CXorf38: variants seen among roughly 807,000 people sequenced by gnomAD.
CXorf38 encodes chromosome X open reading frame 38.
CXorf38 carries 13 observed loss-of-function variants against 27.5 expected under a neutral mutation model. That is an observed-to-expected ratio of 0.47 (90% confidence interval 0.31 to 0.75). The LOEUF (loss-of-function observed/expected upper bound fraction) is 0.75. Ranked by LOEUF, CXorf38 falls within the 30% of genes least tolerant of loss-of-function variation. The pLI is 0.05. For missense variants in CXorf38, 240 were observed against 253.2 expected (o/e 0.95, Z 0.35); for synonymous variants, 100 against 99.8 (o/e 1.00, Z -0.01).
At chrX:40,646,937 G>A in intron 2 of CXorf38, 70 bp downstream of exon 2, 1 of 1,130,876 alleles carries the variant, frequency 8.8e-7, no homozygotes, top group East Asian at 3.1e-5. Flanking sequence ...GCGACCACAA[G>A]ACCAGATAGC....
chrX:40,633,722 G>T (rs1639034134), intron 5 of CXorf38, among the ~76,000 whole-genome samples: 1 of 112,113 alleles, frequency 8.9e-6, no homozygotes, highest in South Asian at 3.7e-4. Context: ...TTCCCCACAG[G>T]TCTCTGTGAA....
At chrX:40,638,644 T>C (rs1368782816) in intron 3 of CXorf38, among the ~76,000 whole-genome samples, 1 of 112,110 alleles carries the variant, frequency 8.9e-6, no homozygotes, top group African/African-American at 3.2e-5. Context: ...CTGTATTTTT[T>C]TTAATAAGGA....
chrX:40,644,534 A>T, intron 2 of CXorf38, among the ~76,000 whole-genome samples: 1 of 112,763 alleles, frequency 8.9e-6, no homozygotes, highest in Non-Finnish European at 1.9e-5. Flanking sequence ...AGTAATCGAA[A>T]TTTTTTAAAA....
chrX:40,631,565 C>G (rs1281769883), intron 5 of CXorf38, among the ~76,000 whole-genome samples: 2 of 111,599 alleles, frequency 1.8e-5, no homozygotes, highest in Admixed American at 9.5e-5. Context: ...CTCGGCCTCC[C>G]AAAGTGCTGG....
intron 5 of CXorf38, among the ~76,000 whole-genome samples, chrX:40,631,671 G>T (rs1292071796): frequency 8.9e-6 from 1 of 112,035 alleles, no homozygotes; most frequent in Non-Finnish European, 1.9e-5. Flanking sequence ...ATCTAATGAA[G>T]AAAAATAACG....
intron 2 of CXorf38, chrX:40,639,460 GTTAAA>G: frequency 7.0e-6 from 1 of 142,106 alleles, no homozygotes. Context: ...TGGTTGAGTT[GTTAAA>G]TAAGAAGATT....
rs758751427 is a variant in CXorf38 at position 40,647,118 on chromosome X, GCA to G, written c.238_239del (p.Cys80ArgfsTer2). On this transcript the variant is annotated frameshift_variant, in exon 2 of 7. Transcript: ENST00000327877. LOFTEE classifies it high-confidence loss of function. ...TCAAAATCTCCCTTTTCCATTCAGC[GCA>G]CACCTGACACTGAGGCTGAAACTAC... ...ARQFQPQCQV[C>X]AEWKREILRH... 22 of 1,210,867 alleles carry G rather than the reference GCA, an allele frequency of 1.8e-5. No homozygotes were observed. Among genetic ancestry groups the G allele is most frequent in the Non-Finnish European group, 1.1e-6 (1 of 895,183 alleles).
At position 40,647,527 on chromosome X, in the gene CXorf38, C is replaced by T; in HGVS notation, c.-7G>A. On this transcript the variant is annotated 5_prime_UTR_variant, in exon 1 of 7. Transcript: ENST00000327877. The stretch of plus-strand genomic sequence containing the variant: ...CTAGCTCCGACAGCACCATGTCTCC[C>T]ACTTGGAACCAGGAGGTTGCGGGGC... 3 of 1,180,434 alleles carry T rather than the reference C, an allele frequency of 2.5e-6. No homozygotes were observed. The highest frequency in any genetic ancestry group is 3.3e-5 in the East Asian group (1 of 30,114).
At chrX:40,636,976 G>A in intron 4 of CXorf38, 31 bp downstream of exon 4, 1 of 1,120,878 alleles carries the variant, frequency 8.9e-7, no homozygotes, top group Non-Finnish European at 1.2e-6. Flanking sequence ...TCTTCATTCT[G>A]TATGCCAGAA....
chrX:40,647,510 G>C lies in CXorf38; in HGVS notation c.11C>G (p.Ser4Trp). The change falls in exon 1 of 7, where the codon TCG becomes TGG. Residue 4 changes from serine (S) to tryptophan (W), a missense_variant. Physicochemically the swap from Ser to Trp is radical, Grantham distance 177 (BLOSUM62 -3). Coordinates refer to ENST00000327877, the MANE Select transcript of CXorf38 (RefSeq NM_144970.3). MVLSELAARLNCAE... is the reference protein window; with the variant it reads MVLWELAARLNCAE... ...GCAGTTGAGGCGCGCCGCTAGCTCC[G>C]ACAGCACCATGTCTCCCACTTGGAA... The C allele has an allele frequency of 4.2e-6, 5 of 1,184,889 alleles. No homozygotes were observed. Among genetic ancestry groups the C allele is most frequent in the Non-Finnish European group, 5.6e-6 (5 of 886,088 alleles).
intron 5 of CXorf38, among the ~76,000 whole-genome samples, chrX:40,633,574 T>TAC (rs1437854717): frequency 1.8e-5 from 2 of 111,608 alleles, no homozygotes; most frequent in African/African-American, 6.5e-5. Context: ...CACTGATGCA[T>TAC]ACCAAGCTTC....
rs980714067 is a variant in CXorf38, at chrX:40,647,416, G to A, written c.105C>T (p.Phe35=). ...GGAAGGAGAGCACCTCGCGGCCGAC[G>A]AAACCCTGCAGGCAGCTGCGCAGCA... is the stretch of plus-strand genomic sequence containing the variant. ...LLLLRSCLQG[F]VGREVLSFHR... Residue 35 remains phenylalanine, a synonymous_variant, in exon 1 of 7, where the codon TTC becomes TTT. Coordinates refer to ENST00000327877, the MANE Select transcript of CXorf38 (RefSeq NM_144970.3). 1.3e-5 allele frequency: 15 copies of A among 1,189,421 alleles called. No individual in the cohort carries two copies. Among genetic ancestry groups the A allele is most frequent in the African/African-American group, 1.8e-5 (1 of 54,764 alleles).
rs2968913 is a variant in CXorf38 at position 40,628,504 on chromosome X, C to G, written c.*1660G>C. 0.094 allele frequency: 10,488 copies of G among 111,129 alleles called. 515 individuals carry two copies. Among genetic ancestry groups the G allele is most frequent in the African/African-American group, 0.19 (5,649 of 30,401 alleles). The allele number at this position is 111,129 out of a possible 1,213,427, so 9.2% of individuals were successfully genotyped here. A position where few individuals can be genotyped will look rare whatever the true frequency, so the allele number is the denominator to read the frequency against. On this transcript the variant is annotated 3_prime_UTR_variant, in exon 7 of 7. Coordinates refer to ENST00000327877, the MANE Select transcript of CXorf38 (RefSeq NM_144970.3). ...AAAGGCGAAAGTGAGGCCGACTCCACGGACCACTGCCTATGATGGGGCAGT... is the reference window on the plus strand; with the variant it reads ...AAAGGCGAAAGTGAGGCCGACTCCAGGGACCACTGCCTATGATGGGGCAGT...
intron 5 of CXorf38, among the ~76,000 whole-genome samples, chrX:40,631,726 G>A (rs1355527173): frequency 5.3e-5 from 6 of 112,195 alleles, no homozygotes; most frequent in South Asian, 3.6e-4. Context: ...ACTGCAGAGC[G>A]TACATCACTG....
At chrX:40,636,970 C>A in intron 4 of CXorf38, 37 bp downstream of exon 4, 1 of 1,105,420 alleles carries the variant, frequency 9.0e-7, no homozygotes, top group Non-Finnish European at 1.2e-6. Context: ...TCTCTCTCTT[C>A]ATTCTGTATG....
intron 2 of CXorf38, among the ~76,000 whole-genome samples, chrX:40,640,704 C>T (rs1928280303): frequency 9.0e-6 from 1 of 111,123 alleles, no homozygotes; most frequent in South Asian, 3.8e-4. Context: ...CTTTGGGAGG[C>T]CAAGGCGGGC....
In CXorf38 at chrX:40,630,686, C is replaced by G; in HGVS notation, c.889G>C (p.Asp297His). 1 of 1,209,050 alleles carries G rather than the reference C, an allele frequency of 8.3e-7. No homozygotes were observed. Among genetic ancestry groups the G allele is most frequent in the South Asian group, 1.8e-5 (1 of 56,863 alleles). Reference sequence around the variant, plus strand: ...AGTTTTTGATGTAGACAGAGGCTGTCTAGCTTCTGCATATCTTCTGTAAGG... The same window carrying G: ...AGTTTTTGATGTAGACAGAGGCTGTGTAGCTTCTGCATATCTTCTGTAAGG... ...NGLTEDMQKLDSLCLHQKLDS... is the reference protein window; with the variant it reads ...NGLTEDMQKLHSLCLHQKLDS... Residue 297 changes from aspartate to histidine, a missense_variant, in exon 6 of 7, where the codon GAC becomes CAC. Physicochemically the swap from Asp to His is moderately conservative, Grantham distance 81 (BLOSUM62 -1). Coordinates refer to ENST00000327877, the MANE Select transcript of CXorf38 (RefSeq NM_144970.3).
At chrX:40,633,665 C>G (rs764768154) in intron 5 of CXorf38, among the ~76,000 whole-genome samples, 1 of 112,041 alleles carries the variant, frequency 8.9e-6, no homozygotes, top group South Asian at 3.7e-4. Context: ...TCTATCCTTT[C>G]CCCAATGGCC....
At chrX:40,631,212 T>C (rs1256883986) in intron 5 of CXorf38, among the ~76,000 whole-genome samples, 1 of 65,138 alleles carries the variant, frequency 1.5e-5, no homozygotes, top group African/African-American at 4.3e-5. Flanking sequence ...TGTGTACATA[T>C]ATATATACAT....
Sources: allele counts gnomAD v4.1 joint callset (sites outside exome capture counted in the v4.1 genomes callset), GRCh38; gene constraint gnomAD v4.1.1; transcripts MANE v1.5; gene names NCBI Gene and HGNC (gene_info 2026-07-23, HGNC 2026-07-21).